LRP1B: variants seen among roughly 807,000 people sequenced by gnomAD.
LRP1B encodes the protein low-density lipoprotein receptor-related protein 1B.
Under a neutral mutation model 556.6 loss-of-function variants are expected in LRP1B, and 217 were observed. The observed-to-expected ratio is 0.39, with a 90% CI of 0.35 to 0.44. The LOEUF is 0.44. Among genes scored for constraint, LRP1B ranks in the 20% least tolerant of loss-of-function variants. The pLI is 1.00. For missense variants in LRP1B, 5,053 were observed against 5,620.8 expected, an observed-to-expected ratio of 0.90 and a Z score of 3.23; for synonymous variants, 2,047 against 1,865.8, an observed-to-expected ratio of 1.10 and a Z score of -2.50.
At chr2:141,092,254 G>T (rs1368900551) in intron 7 of LRP1B, among the ~76,000 whole-genome samples, 1 of 152,164 alleles carries the variant, frequency 6.6e-6, no homozygotes, top group Non-Finnish European at 1.5e-5. Context: ...TAGGTAATGA[G>T]GGTAGCCCAT....
At chr2:140,312,735 A>G (rs565364981) in intron 83 of LRP1B, among the ~76,000 whole-genome samples, 10 of 151,918 alleles carry the variant, frequency 6.6e-5, no homozygotes, top group Non-Finnish European at 1.5e-4. Flanking sequence ...CATTTTTAGT[A>G]TCTTTTTGTA....
chr2:141,547,793 T>C (rs1337347733), intron 2 of LRP1B, among the ~76,000 whole-genome samples: 2 of 152,176 alleles, frequency 1.3e-5, no homozygotes, highest in African/African-American at 4.8e-5. Context: ...TAATCCTGAA[T>C]CAATTATCTA....
At chr2:141,543,312 A>C (rs2105213604) in intron 2 of LRP1B, among the ~76,000 whole-genome samples, 1 of 151,994 alleles carries the variant, frequency 6.6e-6, no homozygotes, top group African/African-American at 2.4e-5. Context: ...GTTTGAGGCC[A>C]ACCTAGCCAA....
At chr2:140,238,817 T>G (rs900152242) in intron 88 of LRP1B, among the ~76,000 whole-genome samples, 5 of 150,806 alleles carry the variant, frequency 3.3e-5, no homozygotes, top group African/African-American at 1.2e-4. Context: ...TAATTTCTCA[T>G]CAACCACCCC....
chr2:141,462,435 T>A (rs1268250462), intron 3 of LRP1B, among the ~76,000 whole-genome samples: 2 of 151,356 alleles, frequency 1.3e-5, no homozygotes, highest in Non-Finnish European at 2.9e-5. Context: ...TAAGTGGGAG[T>A]TGAACAGTGA....
At chr2:141,042,090 A>C (rs1698719521) in intron 11 of LRP1B, among the ~76,000 whole-genome samples, 2 of 152,132 alleles carry the variant, frequency 1.3e-5, no homozygotes, top group Admixed American at 1.3e-4. Flanking sequence ...CAATGTTCCA[A>C]GGTTCTCTCA....
Position 141,686,627 on chromosome 2 carries a change from T to A in LRP1B, c.205+123652A>T, listed in dbSNP as rs556863180. 1.1e-4 allele frequency among the ~76,000 whole-genome samples: 16 copies of A among 152,124 alleles called. 1 individual carries two copies. Among genetic ancestry groups the A allele is most frequent in the Non-Finnish European group, 1.3e-4 (9 of 67,952 alleles). ...TCTGGAGGGAAAAGAACTTCTGCTT[T>A]ACTCTCAGACAAATCATTCATATAT... On this transcript the variant is annotated intron_variant, in intron 2 of 90. Coordinates refer to ENST00000389484, the MANE Select transcript of LRP1B (RefSeq NM_018557.3).
chr2:140,732,665 G>C lies in LRP1B; in HGVS notation c.5759-15849C>G, dbSNP rs933662748. On this transcript the variant is annotated intron_variant, in intron 35 of 90. Coordinates refer to ENST00000389484, the MANE Select transcript of LRP1B (RefSeq NM_018557.3). ...ATGTTCATGCTGACCAAAGGTTAAA[G>C]ATTACATTAGATTAGAAAACTAGGA... Among the ~76,000 whole-genome samples the C allele has an allele frequency of 2.6e-5, 4 of 151,036 alleles. No homozygotes were observed. The East Asian group carries it at 7.8e-4, about 29-fold the overall frequency.
At chr2:140,666,748 A>G (rs1015452541) in intron 41 of LRP1B, among the ~76,000 whole-genome samples, 1 of 152,202 alleles carries the variant, frequency 6.6e-6, no homozygotes, top group Admixed American at 6.5e-5. Context: ...TAAAAAGTTG[A>G]ATGTATTTGT....
chr2:140,453,135 C>A (rs1330211991), intron 62 of LRP1B, among the ~76,000 whole-genome samples: 1 of 151,450 alleles, frequency 6.6e-6, no homozygotes, highest in Non-Finnish European at 1.5e-5. Flanking sequence ...TCCTCAAAGT[C>A]CAATTATGAC....
intron 33 of LRP1B, among the ~76,000 whole-genome samples, chr2:140,774,652 G>C (rs1182806064): frequency 6.6e-6 from 1 of 151,986 alleles, no homozygotes; most frequent in African/African-American, 2.4e-5. Flanking sequence ...ATTTACAATA[G>C]TACTGTGAGT....
chr2:140,238,769 T>A (rs915088798), intron 88 of LRP1B, among the ~76,000 whole-genome samples: 30 of 150,858 alleles, frequency 2.0e-4, no homozygotes, highest in African/African-American at 6.5e-4. Flanking sequence ...GCTTTTAGTA[T>A]GTCCATCACC....
At chr2:141,575,696 T>C (rs1686714035) in intron 2 of LRP1B, among the ~76,000 whole-genome samples, 1 of 151,820 alleles carries the variant, frequency 6.6e-6, no homozygotes, top group African/African-American at 2.4e-5. Context: ...TTTTGCAATC[T>C]ACTGATCTAA....
chr2:141,570,925 G>C (rs62169806), intron 2 of LRP1B, among the ~76,000 whole-genome samples: 5,569 of 151,334 alleles, frequency 0.037, 299 homozygotes, highest in East Asian at 0.12. Flanking sequence ...GAGCCCCAAG[G>C]GGGAGGGGTG....
intron 7 of LRP1B, among the ~76,000 whole-genome samples, chr2:141,145,766 C>T (rs1044623338): frequency 1.3e-5 from 2 of 151,850 alleles, no homozygotes; most frequent in Admixed American, 6.6e-5. Context: ...CTCCTGACCT[C>T]GGGTGATCCG....
At chr2:140,444,975 G>T (rs868372411) in intron 63 of LRP1B, among the ~76,000 whole-genome samples, 1 of 152,078 alleles carries the variant, frequency 6.6e-6, no homozygotes, top group Non-Finnish European at 1.5e-5. Flanking sequence ...TTAATGAAAT[G>T]ATATTGAGAG....
intron 2 of LRP1B, among the ~76,000 whole-genome samples, chr2:141,597,830 A>G (rs2105303976): frequency 6.6e-6 from 1 of 152,202 alleles, no homozygotes. Context: ...CGTATCAGAC[A>G]TTAACAACAG....
intron 59 of LRP1B, among the ~76,000 whole-genome samples, chr2:140,484,722 G>A (rs1260964825): frequency 6.6e-6 from 1 of 152,106 alleles, no homozygotes; most frequent in Non-Finnish European, 1.5e-5. Context: ...ACACCAGACA[G>A]CTTTGACACC....
At position 141,869,598 on chromosome 2, in the gene LRP1B, C is replaced by G. The variant is rs562822734; in HGVS notation, c.83-59197G>C. 2.0e-5 allele frequency among the ~76,000 whole-genome samples: 3 copies of G among 152,210 alleles called. No homozygotes were observed. In the East Asian group the frequency reaches 5.8e-4, roughly 29 times the overall value. On this transcript the variant is annotated intron_variant, in intron 1 of 90. Coordinates refer to ENST00000389484, the MANE Select transcript of LRP1B (RefSeq NM_018557.3). The stretch of plus-strand genomic sequence containing the variant: ...CAGAAAACATATGGGTCTGTAGAAT[C>G]AGTTCTATGTTCCAATTCTCACCCA...
Sources: gnomAD v4.1 joint callset for allele counts (sites outside exome capture counted in the v4.1 genomes callset) on GRCh38, gnomAD v4.1.1 for gene constraint, MANE v1.5 for transcripts, NCBI Gene and HGNC (gene_info 2026-07-23, HGNC 2026-07-21) for gene names.